Variants in IDO2 observed in about 807,000 individuals in gnomAD.
IDO2 encodes indoleamine 2,3-dioxygenase 2.
In IDO2, 46 loss-of-function variants were observed where a neutral mutation model predicts 45.1. The observed-to-expected ratio is 1.02, with a 90% CI of 0.80 to 1.30. The LOEUF is 1.30. Among genes scored for constraint, IDO2 ranks in the 50% most tolerant of loss-of-function variants. The probability of loss-of-function intolerance (pLI) is 0.00; values close to 1 mark genes in which losing one functional copy is unlikely to be tolerated. For synonymous variants in IDO2, 218 were observed against 184.9 expected, an observed-to-expected ratio of 1.18 and a Z score of -1.45; for missense variants, 544 against 491.8, an observed-to-expected ratio of 1.11 and a Z score of -1.00.
chr8:39,964,533 C>T (rs758924785), intron 3 of IDO2, among the ~76,000 whole-genome samples: 13 of 152,146 alleles, frequency 8.5e-5, no homozygotes, highest in Non-Finnish European at 1.6e-4. Context: ...AAAAGTTTTC[C>T]GCTCTCCAAA....
chr8:39,954,157 T>G (rs1213698655), intron 2 of IDO2, among the ~76,000 whole-genome samples: 4 of 152,218 alleles, frequency 2.6e-5, no homozygotes. Flanking sequence ...AAAAGACCAG[T>G]GTAAAAACTC....
chr8:39,985,546 G>T lies in IDO2; in HGVS notation c.449+24G>T, dbSNP rs369683875. 5.2e-6 allele frequency: 8 copies of T among 1,553,084 alleles called. No individual in the cohort carries two copies. The African/African-American group carries it at 5.5e-5, about 11-fold the overall frequency. On this transcript the variant is annotated intron_variant, in intron 6 of 10. Coordinates refer to ENST00000502986, the Ensembl canonical transcript of IDO2. ...GGGTAAGTTCTCAGAAATCATTTAC[G>T]CACTTTAGAATCCAGGCCAAATTTA...
intron 2 of IDO2, among the ~76,000 whole-genome samples, chr8:39,961,672 T>C (rs1807999874): frequency 6.6e-6 from 1 of 152,146 alleles, no homozygotes; most frequent in Non-Finnish European, 1.5e-5. Flanking sequence ...AAACTGTGTA[T>C]CCAACTTCTC....
At chr8:39,985,299 C>T (rs985222554) in intron 5 of IDO2, 2 of 585,676 alleles carry the variant, frequency 3.4e-6, no homozygotes, top group Admixed American at 3.2e-5. Flanking sequence ...GTCGCTCACC[C>T]TTTATCACAT....
At chr8:39,966,700 C>A (rs963137367) in intron 3 of IDO2, among the ~76,000 whole-genome samples, 6 of 152,112 alleles carry the variant, frequency 3.9e-5, no homozygotes, top group Admixed American at 2.0e-4. Context: ...CTCACATTTC[C>A]TAGGAAGACA....
intron 8 of IDO2, among the ~76,000 whole-genome samples, chr8:39,993,003 A>G (rs897926964): frequency 2.6e-5 from 4 of 151,988 alleles, no homozygotes; most frequent in African/African-American, 7.3e-5. Context: ...AGCCCGGTCT[A>G]TTTTCATAAT....
intron 8 of IDO2, among the ~76,000 whole-genome samples, chr8:39,993,175 G>T (rs1801967708): frequency 6.6e-6 from 1 of 152,074 alleles, no homozygotes; most frequent in African/African-American, 2.4e-5. Context: ...TGACTCATTG[G>T]AAGGTTAAAC....
intron 2 of IDO2, among the ~76,000 whole-genome samples, chr8:39,955,524 G>C (rs1310688663): frequency 6.6e-6 from 1 of 151,974 alleles, no homozygotes; most frequent in Non-Finnish European, 1.5e-5. Flanking sequence ...TGAAAATGCT[G>C]GGGTTACAGG....
exon 11 of IDO2, chr8:40,016,170 G>T (rs1400750662): frequency 2.5e-6 from 1 of 396,916 alleles, no homozygotes; most frequent in East Asian, 3.6e-5. Context: ...GTGAAAATGA[G>T]CAGTTAATGA....
intron 9 of IDO2, among the ~76,000 whole-genome samples, chr8:40,008,861 G>T (rs1042044032): frequency 6.6e-6 from 1 of 152,176 alleles, no homozygotes; most frequent in Non-Finnish European, 1.5e-5. Flanking sequence ...ATGTAGCTAA[G>T]TGGCCAGTAC....
At chr8:40,013,584 A>G (rs901187476) in exon 10 of IDO2, 5 of 1,613,456 alleles carry the variant, frequency 3.1e-6, no homozygotes, top group Non-Finnish European at 8.5e-7. Flanking sequence ...CAACCCAGCA[A>G]TGCCTGCAGG....
At chr8:39,971,060 G>A (rs773433328) in intron 3 of IDO2, among the ~76,000 whole-genome samples, 5 of 152,054 alleles carry the variant, frequency 3.3e-5, no homozygotes, top group African/African-American at 7.2e-5. Context: ...CACTGCGCCC[G>A]GCCCAGGACT....
chr8:39,944,778 A>T (rs1807706529), intron 1 of IDO2, among the ~76,000 whole-genome samples: 1 of 152,126 alleles, frequency 6.6e-6, no homozygotes, highest in Admixed American at 6.6e-5. Context: ...TTTCTAAACC[A>T]AAGTATAAAA....
intron 1 of IDO2, among the ~76,000 whole-genome samples, chr8:39,942,174 T>C (rs1382487627): frequency 2.6e-5 from 4 of 152,200 alleles, no homozygotes; most frequent in African/African-American, 9.6e-5. Flanking sequence ...CCCTGTTATA[T>C]GGTAGGTGCT....
chr8:39,967,957 T>C (rs1389745471), intron 3 of IDO2, among the ~76,000 whole-genome samples: 2 of 152,118 alleles, frequency 1.3e-5, no homozygotes, highest in African/African-American at 4.8e-5. Context: ...AAATGAAACA[T>C]AGATTTACCA....
At chr8:39,935,191 A>C in exon 1 of IDO2, 1 of 1,613,642 alleles carries the variant, frequency 6.2e-7, no homozygotes, top group Non-Finnish European at 8.5e-7. Context: ...CCAGGCCACC[A>C]CAAGAATGTT....
intron 1 of IDO2, among the ~76,000 whole-genome samples, chr8:39,942,220 T>A (rs1807653181): frequency 6.6e-6 from 1 of 152,274 alleles, no homozygotes. Flanking sequence ...TCATGTAATG[T>A]CTCTGGGATA....
Position 39,958,309 on chromosome 8 carries a change from C to A in IDO2, c.100-5299C>A, listed in dbSNP as rs1002927668. ...CTCTGCCTCCCAGGTTCAGGCGATT[C>A]TCCCGCCTCTGCCTCCCAGGTTCAG... is the stretch of plus-strand genomic sequence containing the variant. On this transcript the variant is annotated intron_variant, in intron 2 of 10. Coordinates refer to ENST00000502986, the Ensembl canonical transcript of IDO2. Among the ~76,000 whole-genome samples, 98 of 98,568 alleles carry A rather than the reference C, an allele frequency of 9.9e-4. 2 individuals carry two copies. Among genetic ancestry groups the A allele is most frequent in the Non-Finnish European group, 5.0e-4 (22 of 44,332 alleles). The allele number at this position is 98,568 out of a possible 152,430, so 64.7% of individuals were successfully genotyped here.
At chr8:39,948,020 G>T (rs1807764585) in intron 1 of IDO2, among the ~76,000 whole-genome samples, 1 of 152,096 alleles carries the variant, frequency 6.6e-6, no homozygotes. Context: ...CTGACCTCAG[G>T]TGATCCGCCT....
Sources: allele counts gnomAD v4.1 joint callset (sites outside exome capture counted in the v4.1 genomes callset), GRCh38; gene constraint gnomAD v4.1.1; transcripts MANE v1.5; gene names NCBI Gene and HGNC (gene_info 2026-07-23, HGNC 2026-07-21).